Variants in FBLN1 observed in about 807,000 individuals in gnomAD.
FBLN1 encodes fibulin 1.
In FBLN1, 34 loss-of-function variants were observed where a neutral mutation model predicts 89.7. The ratio of observed to expected loss-of-function variants is 0.38; its 90% CI spans 0.29 to 0.50. The LOEUF (loss-of-function observed/expected upper bound fraction) is 0.50. FBLN1 is among the 20% of genes least tolerant of loss of function. FBLN1 has a pLI of 0.92. For missense variants in FBLN1, 777 were observed against 988.1 expected, an observed-to-expected ratio of 0.79 and a Z score of 2.86; for synonymous variants, 393 against 391.3, an observed-to-expected ratio of 1.00 and a Z score of -0.05.
chr22:45,523,487 G>C (rs2088278746), intron 2 of FBLN1, among the ~76,000 whole-genome samples: 1 of 152,214 alleles, frequency 6.6e-6, no homozygotes. Context: ...CAGATCACTT[G>C]AGGTCAGGCG....
At position 45,563,428 on chromosome 22, in the gene FBLN1, G is replaced by A; in HGVS notation, c.1698-11083G>A. 2.7e-6 allele frequency: 4 copies of A among 1,466,674 alleles called. No individual in the cohort carries two copies. The highest frequency in any genetic ancestry group is 3.6e-6 in the Non-Finnish European group (4 of 1,098,878). The allele number at this position is 1,466,674 out of a possible 1,614,324, so 90.9% of individuals were successfully genotyped here. ...TGTGCCGCTTGTTACCCGGGGGTGA[G>A]CTGGGCACTGGCCACCGCCTGGTAC... On this transcript the variant is annotated intron_variant, in intron 14 of 16. Coordinates refer to ENST00000327858, the MANE Select transcript of FBLN1 (RefSeq NM_006486.3). This position sits in a 1 kb window ranked among gnomAD's most constrained non-coding sequence, Gnocchi z 5.7.
At chr22:45,592,452 C>T (rs1226645913) in intron 16 of FBLN1, among the ~76,000 whole-genome samples, 4 of 152,124 alleles carry the variant, frequency 2.6e-5, no homozygotes, top group Admixed American at 6.5e-5. Context: ...CTCAGCCTCC[C>T]GAGTAGCTGG....
chr22:45,519,071 G>T (rs2088211645), intron 2 of FBLN1, among the ~76,000 whole-genome samples: 1 of 108,640 alleles, frequency 9.2e-6, no homozygotes, highest in South Asian at 3.3e-4. Context: ...CTGTGGGCAA[G>T]TCAGTTTTCT....
intron 14 of FBLN1, among the ~76,000 whole-genome samples, chr22:45,552,557 C>G (rs1231104192): frequency 6.6e-6 from 1 of 152,208 alleles, no homozygotes; most frequent in Non-Finnish European, 1.5e-5. Flanking sequence ...CTTCAGAAAG[C>G]AATTTTTAAA....
intron 1 of FBLN1, among the ~76,000 whole-genome samples, chr22:45,510,524 C>T (rs1444401452): frequency 6.6e-6 from 1 of 152,126 alleles, no homozygotes; most frequent in African/African-American, 2.4e-5. Context: ...CCCTCTGTGA[C>T]AGTCTGCTTG....
Position 45,531,471 on chromosome 22 carries a change from G to A in FBLN1, c.544+147G>A. On this transcript the variant is annotated intron_variant, in intron 5 of 16. Coordinates refer to ENST00000327858, the MANE Select transcript of FBLN1 (RefSeq NM_006486.3). This position sits in a 1 kb window ranked among gnomAD's most constrained non-coding sequence, Gnocchi z 4.9. ...GGAGGTTGTGGCTGCAGTGAGCTAT[G>A]ACTGCACCTTTGCACTCTAGCCTGG... 1 of 712,334 alleles carries A rather than the reference G, an allele frequency of 1.4e-6. No individual in the cohort carries two copies. The highest frequency in any genetic ancestry group is 1.5e-5 in the South Asian group (1 of 65,336). The allele number at this position is 712,334 out of a possible 1,614,324, so 44.1% of individuals were successfully genotyped here.
rs1235525556 is a variant in FBLN1 at position 45,590,361 on chromosome 22, G to C, written c.1973-9946G>C. On this transcript the variant is annotated intron_variant, in intron 16 of 16. Coordinates refer to ENST00000327858, the MANE Select transcript of FBLN1 (RefSeq NM_006486.3). This position sits in a 1 kb window ranked among gnomAD's most constrained non-coding sequence, Gnocchi z 4.1. ...AGTGAAGTTGGCAAGACTTGAACTC[G>C]TCCTGCCCTTCGTGGCCCCCTCACC... 1.3e-5 allele frequency among the ~76,000 whole-genome samples: 2 copies of C among 152,236 alleles called. No homozygotes were observed. The highest frequency in any genetic ancestry group is 4.8e-5 in the African/African-American group (2 of 41,464).
intron 8 of FBLN1, among the ~76,000 whole-genome samples, chr22:45,538,159 G>T (rs541427212): frequency 6.6e-4 from 101 of 152,344 alleles, no homozygotes; most frequent in Admixed American, 3.7e-3. Flanking sequence ...CCATCTCCCT[G>T]GGTCCTCAGT....
At position 45,559,048 on chromosome 22, in the gene FBLN1, C is replaced by T. The variant is rs569039039; in HGVS notation, c.1697+8433C>T. On this transcript the variant is annotated intron_variant, in intron 14 of 16. Coordinates refer to ENST00000327858, the MANE Select transcript of FBLN1 (RefSeq NM_006486.3). Reference sequence around the variant, plus strand: ...CATGAATAAGATTATGACACAAAGCCGGAGAGTTGATACACCCCTGAGGTA... The same window carrying T: ...CATGAATAAGATTATGACACAAAGCTGGAGAGTTGATACACCCCTGAGGTA... Among the ~76,000 whole-genome samples, 6 of 152,324 alleles carry T rather than the reference C, an allele frequency of 3.9e-5. No individual in the cohort carries two copies. The East Asian group carries it at 5.8e-4, about 15-fold the overall frequency.
intron 12 of FBLN1, among the ~76,000 whole-genome samples, chr22:45,548,161 A>G (rs1304499971): frequency 1.3e-5 from 2 of 152,020 alleles, no homozygotes; most frequent in Admixed American, 6.5e-5. Context: ...CAATTCTCCC[A>G]CCTCTGCCTC....
intron 16 of FBLN1, among the ~76,000 whole-genome samples, chr22:45,585,749 G>A (rs944484910): frequency 6.6e-6 from 1 of 152,174 alleles, no homozygotes; most frequent in African/African-American, 2.4e-5. Flanking sequence ...GCATGGGGAC[G>A]AGGGTGTCTC....
At chr22:45,543,639 C>A in intron 11 of FBLN1, 113 bp downstream of exon 11, 1 of 1,366,156 alleles carries the variant, frequency 7.3e-7, no homozygotes, top group African/African-American at 1.4e-5. Flanking sequence ...TGTTAAATGA[C>A]ATGTTAGCAG....
chr22:45,541,145 G>A, intron 8 of FBLN1, 84 bp from the exon 9 acceptor site: 1 of 1,561,720 alleles, frequency 6.4e-7, no homozygotes, highest in Non-Finnish European at 8.8e-7. Context: ...AGGTGGGAAG[G>A]GGAGTTTCTT....
rs956576794 is a variant in FBLN1, at chr22:45,583,583, G to A, written c.1972+6475G>A. Among the ~76,000 whole-genome samples the A allele has an allele frequency of 2.6e-5, 4 of 152,178 alleles. No individual in the cohort carries two copies. The highest frequency in any genetic ancestry group is 6.5e-5 in the Admixed American group (1 of 15,280). On this transcript the variant is annotated intron_variant, in intron 16 of 16. Coordinates refer to ENST00000327858, the MANE Select transcript of FBLN1 (RefSeq NM_006486.3). The surrounding 1 kb of genome is among the most constrained non-coding windows in gnomAD (Gnocchi z 4.5). Reference sequence around the variant, plus strand: ...GTAAATATCAGTTCTTCCTAATTTCGCCTTGCCGTCTCTCTTGAGAGTGGC... The same window carrying A: ...GTAAATATCAGTTCTTCCTAATTTCACCTTGCCGTCTCTCTTGAGAGTGGC...
intron 16 of FBLN1, among the ~76,000 whole-genome samples, chr22:45,589,473 C>G (rs974529636): frequency 6.6e-6 from 1 of 152,198 alleles, no homozygotes; most frequent in Admixed American, 6.5e-5. Context: ...TCTGCAGATT[C>G]GCGAGCCTCT....
chr22:45,533,761 A>G lies in FBLN1; in HGVS notation c.647A>G (p.Asp216Gly). The change falls in exon 7 of 17, where the codon GAT (aspartate) becomes GGT (glycine). Residue 216 changes from aspartate (D) to glycine (G), a missense_variant and splice_region_variant. Physicochemically the swap from Asp to Gly is moderately conservative, Grantham distance 94. Transcript: ENST00000327858. ...QLLSDGVSCE[D>G]VNECITGSHS... ...CCCGCACTGCCTCGGTCTCTCCTAG[A>G]TGTCAATGAATGCATCACGGGCAGC... The G allele has an allele frequency of 6.2e-7, 1 of 1,611,840 alleles. No homozygotes were observed. Among genetic ancestry groups the G allele is most frequent in the Non-Finnish European group, 8.5e-7 (1 of 1,179,982 alleles).
chr22:45,516,158 CTAGGA>C (rs2088167435), intron 1 of FBLN1, among the ~76,000 whole-genome samples: 1 of 151,936 alleles, frequency 6.6e-6, no homozygotes, highest in South Asian at 2.1e-4. Flanking sequence ...GGGAGGTGGG[CTAGGA>C]TAGGAGACGG....
In FBLN1 at chr22:45,579,531, C is replaced by T. The variant is rs188058158; in HGVS notation, c.1972+2423C>T. Among the ~76,000 whole-genome samples the T allele has an allele frequency of 6.6e-6, 1 of 152,326 alleles. No homozygotes were observed. The highest frequency in any genetic ancestry group is 6.5e-5 in the Admixed American group (1 of 15,308). On this transcript the variant is annotated intron_variant, in intron 16 of 16. Coordinates refer to ENST00000327858, the MANE Select transcript of FBLN1 (RefSeq NM_006486.3). The surrounding 1 kb of genome is among the most constrained non-coding windows in gnomAD (Gnocchi z 5.5). ...GGGCTGGGGCTGCGTGGGGGAGGGC[C>T]CCAGCCTGGCCCTTGGAATTGTCGT...
chr22:45,518,087 G>A (rs556322354), intron 1 of FBLN1, among the ~76,000 whole-genome samples: 3 of 145,278 alleles, frequency 2.1e-5, no homozygotes, highest in African/African-American at 7.7e-5. Context: ...AGCTCAGATC[G>A]CGCCATTGCA....
Sources: allele counts gnomAD v4.1 joint callset (sites outside exome capture counted in the v4.1 genomes callset), GRCh38; gene constraint gnomAD v4.1.1; non-coding constraint Gnocchi (gnomAD v3.1); transcripts MANE v1.5; gene names NCBI Gene and HGNC (gene_info 2026-07-23, HGNC 2026-07-21).